SENP7: variants seen among roughly 807,000 people sequenced by gnomAD.
SENP7 encodes the protein sentrin-specific protease 7.
In SENP7, 64 loss-of-function variants were observed where a neutral mutation model predicts 141.2. That is an observed-to-expected ratio of 0.45 (90% CI 0.37 to 0.56). The LOEUF (loss-of-function observed/expected upper bound fraction) is 0.56. Ranked by LOEUF, SENP7 falls within the 20% of genes least tolerant of loss-of-function variation. The pLI is 0.00. For missense variants in SENP7, 1,025 were observed against 1,212.2 expected (o/e 0.85, Z 2.29); for synonymous variants, 382 against 426.4 (o/e 0.90, Z 1.28).
intron 6 of SENP7, among the ~76,000 whole-genome samples, chr3:101,376,156 T>C (rs898288503): frequency 1.2e-4 from 18 of 152,138 alleles, no homozygotes; most frequent in African/African-American, 4.3e-4. Flanking sequence ...GTCAAATTCA[T>C]ACAGGCAGAA....
intron 6 of SENP7, among the ~76,000 whole-genome samples, chr3:101,390,237 A>C (rs1229977214): frequency 6.6e-6 from 1 of 151,216 alleles, no homozygotes; most frequent in Non-Finnish European, 1.5e-5. Flanking sequence ...AAAAAAAAAA[A>C]AAAAAACCCA....
chr3:101,495,299 C>T (rs1440460733), intron 2 of SENP7, among the ~76,000 whole-genome samples: 1 of 152,110 alleles, frequency 6.6e-6, no homozygotes, highest in Non-Finnish European at 1.5e-5. Context: ...TACACCACTG[C>T]TGGGATTGTA....
At position 101,434,740 on chromosome 3, in the gene SENP7, C is replaced by A. The variant is rs773377747; in HGVS notation, c.285-16950G>T. ...ACCACGAAGAAATCCAAAATCTGAA[C>A]AGACCAATAGCAAGCAATGAGATCA... On this transcript the variant is annotated intron_variant, in intron 4 of 23. Transcript: ENST00000394095. Among the ~76,000 whole-genome samples the A allele has an allele frequency of 4.1e-4, 63 of 152,018 alleles. 1 individual carries two copies. The highest frequency in any genetic ancestry group is 7.9e-4 in the Non-Finnish European group (54 of 67,942).
intron 4 of SENP7, among the ~76,000 whole-genome samples, chr3:101,419,923 T>C (rs1312884440): frequency 6.6e-6 from 1 of 152,204 alleles, no homozygotes; most frequent in South Asian, 2.1e-4. Flanking sequence ...GAGACCAAGA[T>C]AGGCTGATTA....
At chr3:101,490,276 G>A (rs908997734) in intron 3 of SENP7, among the ~76,000 whole-genome samples, 13 of 150,978 alleles carry the variant, frequency 8.6e-5, no homozygotes, top group African/African-American at 3.2e-4. Context: ...TCACATAATG[G>A]AATATTACAT....
At chr3:101,413,738 G>T (rs987993380) in intron 5 of SENP7, among the ~76,000 whole-genome samples, 7 of 150,760 alleles carry the variant, frequency 4.6e-5, no homozygotes, top group South Asian at 4.2e-4. Flanking sequence ...AAAAAGGGAG[G>T]GGGGGGATAG....
At chr3:101,382,087 C>G (rs746200285) in intron 6 of SENP7, among the ~76,000 whole-genome samples, 6 of 152,188 alleles carry the variant, frequency 3.9e-5, no homozygotes, top group African/African-American at 1.4e-4. Context: ...ATCCCTTTCA[C>G]TCAAGGCTAA....
chr3:101,417,946 C>G (rs1225908169), intron 4 of SENP7, among the ~76,000 whole-genome samples, 156 bp from the exon 5 acceptor site: 1 of 152,142 alleles, frequency 6.6e-6, no homozygotes, highest in Admixed American at 6.5e-5. Flanking sequence ...TAACTATTAT[C>G]AAAGATACCT....
chr3:101,380,445 C>CCCAA (rs58844573), intron 6 of SENP7, among the ~76,000 whole-genome samples: 2 of 128,826 alleles, frequency 1.6e-5, no homozygotes, highest in African/African-American at 5.6e-5. Flanking sequence ...GCCCCCCCCC[C>CCCAA]CACACACACA....
At chr3:101,496,012 A>G (rs1415028593) in intron 2 of SENP7, among the ~76,000 whole-genome samples, 1 of 152,210 alleles carries the variant, frequency 6.6e-6, no homozygotes, top group Non-Finnish European at 1.5e-5. Flanking sequence ...AATAAATTAG[A>G]TTTCAGAAAA....
At chr3:101,427,490 CAAA>C (rs55677738) in intron 4 of SENP7, among the ~76,000 whole-genome samples, 26 of 101,008 alleles carry the variant, frequency 2.6e-4, no homozygotes, top group Admixed American at 1.1e-4. Context: ...ACACTGTCTC[CAAA>C]AAAAAAAAAA....
At chr3:101,446,691 G>GA (rs1470898554) in intron 4 of SENP7, among the ~76,000 whole-genome samples, 1 of 151,836 alleles carries the variant, frequency 6.6e-6, no homozygotes, top group Non-Finnish European at 1.5e-5. Flanking sequence ...GAAATTAAAA[G>GA]AAAAAAATTT....
At chr3:101,345,264 G>A (rs1309248613) in intron 13 of SENP7, among the ~76,000 whole-genome samples, 1 of 152,098 alleles carries the variant, frequency 6.6e-6, no homozygotes, top group Non-Finnish European at 1.5e-5. Context: ...GTGGTATTTT[G>A]ATGGGAATTG....
intron 15 of SENP7, 108 bp downstream of exon 15, chr3:101,341,538 G>A (rs533608071): frequency 7.3e-5 from 74 of 1,015,034 alleles, no homozygotes; most frequent in Non-Finnish European, 9.3e-5. Context: ...CTATCAGCAT[G>A]AAAGTAAAAC....
At chr3:101,361,379 C>T (rs2059897706) in intron 11 of SENP7, among the ~76,000 whole-genome samples, 2 of 152,102 alleles carry the variant, frequency 1.3e-5, no homozygotes, top group Non-Finnish European at 2.9e-5. Flanking sequence ...ACCGTTTAAA[C>T]TGGTAAAACA....
At chr3:101,350,706 T>C (rs907074929) in intron 12 of SENP7, among the ~76,000 whole-genome samples, 1 of 152,084 alleles carries the variant, frequency 6.6e-6, no homozygotes, top group African/African-American at 2.4e-5. Flanking sequence ...TCTTTAACTA[T>C]AAACTGTAGT....
chr3:101,356,326 T>A (rs1344823274), intron 11 of SENP7, among the ~76,000 whole-genome samples: 1 of 152,132 alleles, frequency 6.6e-6, no homozygotes, highest in African/African-American at 2.4e-5. Context: ...ATTTCTAATA[T>A]CTCTGATGCA....
At chr3:101,487,927 T>C (rs923858075) in intron 3 of SENP7, among the ~76,000 whole-genome samples, 1 of 152,206 alleles carries the variant, frequency 6.6e-6, no homozygotes, top group African/African-American at 2.4e-5. Context: ...TGTTTAGGAT[T>C]GCTTTAGCTA....
chr3:101,505,482 A>G (rs2108188684), intron 1 of SENP7, among the ~76,000 whole-genome samples: 1 of 152,254 alleles, frequency 6.6e-6, no homozygotes, highest in East Asian at 1.9e-4. Context: ...ATTTCCTTTC[A>G]TTAATGCTAC....
Sources: gnomAD v4.1 joint callset for allele counts (sites outside exome capture counted in the v4.1 genomes callset) on GRCh38, gnomAD v4.1.1 for gene constraint, MANE v1.5 for transcripts, NCBI Gene and HGNC (gene_info 2026-07-23, HGNC 2026-07-21) for gene names.